The following KIF21A variants were observed in gnomAD, a reference collection of about 807,000 sequenced individuals.
The protein encoded by KIF21A is kinesin family member 21A, also known as kinesin-like protein KIF21A.
A neutral mutation model predicts 202.9 loss-of-function variants in KIF21A; 114 were observed. The observed-to-expected ratio is 0.56, with a 90% confidence interval of 0.48 to 0.66. KIF21A has a LOEUF of 0.66. Ranked by LOEUF, KIF21A falls within the 30% of genes least tolerant of loss-of-function variation. The probability of loss-of-function intolerance (pLI) is 0.00; values close to 1 mark genes in which losing one functional copy is unlikely to be tolerated. For synonymous variants in KIF21A, 667 were observed against 670.8 expected, an observed-to-expected ratio of 0.99 and a Z score of 0.09; for missense variants, 1,677 against 1,994.9, an observed-to-expected ratio of 0.84 and a Z score of 3.04.
intron 1 of KIF21A, among the ~76,000 whole-genome samples, chr12:39,432,453 A>G (rs1332029648): frequency 1.3e-5 from 2 of 152,176 alleles, no homozygotes; most frequent in Non-Finnish European, 2.9e-5. Flanking sequence ...GTTCCTATAA[A>G]AATGAAATTA....
intron 12 of KIF21A, among the ~76,000 whole-genome samples, chr12:39,343,741 G>A (rs1592248925): frequency 6.6e-6 from 1 of 152,150 alleles, no homozygotes; most frequent in African/African-American, 2.4e-5. Context: ...TTTAGTGTCT[G>A]TATTTCTCAC....
chr12:39,358,336 T>C lies in KIF21A; in HGVS notation c.1057A>G (p.Arg353Gly). 3 of 1,614,170 alleles carry C rather than the reference T, an allele frequency of 1.9e-6. No individual in the cohort carries two copies. Among genetic ancestry groups the C allele is most frequent in the Non-Finnish European group, 2.5e-6 (3 of 1,179,996 alleles). Residue 353 changes from arginine to glycine, a missense_variant, in exon 8 of 38, where the codon AGA (arginine) becomes GGA (glycine). Arg to Gly is a moderately radical substitution (Grantham distance 125). This residue lies in a region of KIF21A where 966 missense variants were observed against 1,180.9 expected (regional missense o/e 0.82). Coordinates refer to ENST00000361418, the MANE Select transcript of KIF21A (RefSeq NM_001173464.2). ...GTGTTTAACGTTTCCATAAAGTCTC[T>C]GTCTGAAGGGCTGACACATGCTATC... ...IMIACVSPSD[R>G]DFMETLNTLK...
At chr12:39,422,978 A>G (rs1954425789) in intron 1 of KIF21A, among the ~76,000 whole-genome samples, 2 of 152,226 alleles carry the variant, frequency 1.3e-5, no homozygotes, top group South Asian at 2.1e-4. Flanking sequence ...TAACTTCTCA[A>G]TTTCCTCATT....
chr12:39,415,511 C>G (rs1440516470), intron 1 of KIF21A, among the ~76,000 whole-genome samples: 1 of 152,106 alleles, frequency 6.6e-6, no homozygotes, highest in African/African-American at 2.4e-5. Context: ...GCAGCCTCGG[C>G]CTCCCAAAGT....
At chr12:39,372,936 C>G (rs1390260325) in intron 1 of KIF21A, among the ~76,000 whole-genome samples, 1 of 152,170 alleles carries the variant, frequency 6.6e-6, no homozygotes, top group Non-Finnish European at 1.5e-5. Flanking sequence ...CCTATCTAAT[C>G]TAAGAGCTAT....
intron 1 of KIF21A, among the ~76,000 whole-genome samples, chr12:39,424,125 T>A (rs933745089): frequency 6.6e-6 from 1 of 151,410 alleles, no homozygotes; most frequent in African/African-American, 2.4e-5. Context: ...ATTAACCTAC[T>A]GTAATCAAGC....
rs113460724 is a variant in KIF21A at position 39,313,065 on chromosome 12, G to A, written c.3960-1512C>T. 2.6e-3 allele frequency among the ~76,000 whole-genome samples: 400 copies of A among 152,032 alleles called. 3 individuals carry two copies. Among genetic ancestry groups the A allele is most frequent in the African/African-American group, 8.8e-3 (364 of 41,548 alleles). ...AAGAGGGCAGAAATGATTAAGAAAC[G>A]TGAGCCCCAGATAAGTTAGAGCTGA... is the stretch of plus-strand genomic sequence containing the variant. On this transcript the variant is annotated intron_variant, in intron 31 of 37. Transcript: ENST00000361418.
Position 39,294,201 on chromosome 12 carries a change from T to A in KIF21A, c.*223A>T. Reference sequence around the variant, plus strand: ...CAATAAAAGTGTGAATAAAGCAATATATCAATTGTAGGATATATATCTATT... The same window carrying A: ...CAATAAAAGTGTGAATAAAGCAATAAATCAATTGTAGGATATATATCTATT... On this transcript the variant is annotated 3_prime_UTR_variant, in exon 38 of 38. Coordinates refer to ENST00000361418, the MANE Select transcript of KIF21A (RefSeq NM_001173464.2). The A allele has an allele frequency of 2.2e-6, 1 of 462,970 alleles. No homozygotes were observed. The allele number at this position is 462,970 out of a possible 1,614,324, so 28.7% of individuals were successfully genotyped here. A position where few individuals can be genotyped will look rare whatever the true frequency, so the allele number is the denominator to read the frequency against.
chr12:39,361,522 C>CTTTTT (rs541860250), intron 7 of KIF21A, among the ~76,000 whole-genome samples: 3 of 131,732 alleles, frequency 2.3e-5, no homozygotes, highest in South Asian at 2.5e-4. Flanking sequence ...AACTTTCTTT[C>CTTTTT]TTTTTTTTTT....
At chr12:39,430,725 G>A (rs1430996417) in intron 1 of KIF21A, among the ~76,000 whole-genome samples, 4 of 152,070 alleles carry the variant, frequency 2.6e-5, no homozygotes, top group Non-Finnish European at 5.9e-5. Flanking sequence ...ATTTGAATGT[G>A]TCCCCAAATT....
At chr12:39,307,362 C>T (rs981297426) in intron 34 of KIF21A, among the ~76,000 whole-genome samples, 12 of 151,224 alleles carry the variant, frequency 7.9e-5, no homozygotes, top group East Asian at 1.9e-4. Flanking sequence ...TCCCCAGCAA[C>T]GGAGATTAAA....
chr12:39,294,236 TAAAAC>T lies in KIF21A; in HGVS notation c.*183_*187del, dbSNP rs1465468530. The T allele has an allele frequency of 9.3e-5, 52 of 559,572 alleles. No individual in the cohort carries two copies. The highest frequency in any genetic ancestry group is 1.5e-4 in the Non-Finnish European group (47 of 309,472). 34.7% of individuals were successfully genotyped at this position (559,572 alleles called of 1,614,324 possible). On this transcript the variant is annotated 3_prime_UTR_variant, in exon 38 of 38. Coordinates refer to ENST00000361418, the MANE Select transcript of KIF21A (RefSeq NM_001173464.2). ...AGGATATATATCTATTGGTTGATCTTAAAACTAAGCACACAGGATAGTACACAATT... is the reference window on the plus strand; with the variant it reads ...AGGATATATATCTATTGGTTGATCTTTAAGCACACAGGATAGTACACAATT...
intron 1 of KIF21A, among the ~76,000 whole-genome samples, chr12:39,373,856 G>T (rs1010787630): frequency 2.0e-5 from 3 of 152,136 alleles, no homozygotes; most frequent in Non-Finnish European, 4.4e-5. Context: ...TTGAAACATG[G>T]ATGATGCCCA....
chr12:39,351,879 G>T lies in KIF21A; in HGVS notation c.1571C>A (p.Ser524Tyr). 2.5e-6 allele frequency: 4 copies of T among 1,612,750 alleles called. No individual in the cohort carries two copies. The highest frequency in any genetic ancestry group is 3.4e-6 in the Non-Finnish European group (4 of 1,178,942). The part of the protein sequence containing the change: ...APYFSGSSTF[S>Y]PTILSSDKET... The stretch of plus-strand genomic sequence containing the variant: ...TTTGTCTGAGGATAGTATGGTAGGA[G>T]AAAAAGTTGATGATCCGCTGAAATA... Residue 524 changes from serine to tyrosine, a missense_variant, in exon 11 of 38, where the codon TCT becomes TAT. Coordinates refer to ENST00000361418, the MANE Select transcript of KIF21A (RefSeq NM_001173464.2).
chr12:39,414,673 G>A (rs1468872235), intron 1 of KIF21A, among the ~76,000 whole-genome samples: 1 of 152,196 alleles, frequency 6.6e-6, no homozygotes, highest in African/African-American at 2.4e-5. Flanking sequence ...GCAGCAGGCA[G>A]TGAAGTCTAA....
At chr12:39,332,018 A>C in intron 21 of KIF21A, 196 bp downstream of exon 21, 1 of 668,028 alleles carries the variant, frequency 1.5e-6, no homozygotes, top group East Asian at 2.7e-5. Context: ...TGTGTTATAT[A>C]AACAACAAAT....
intron 27 of KIF21A, chr12:39,322,374 ATT>A (rs1330537112): frequency 1.2e-5 from 3 of 248,998 alleles, no homozygotes; most frequent in Non-Finnish European, 2.3e-5. Flanking sequence ...TAATTTAGGT[ATT>A]TCTATATATG....
At chr12:39,308,887 C>T (rs1943734899) in intron 33 of KIF21A, among the ~76,000 whole-genome samples, 1 of 152,108 alleles carries the variant, frequency 6.6e-6, no homozygotes, top group South Asian at 2.1e-4. Context: ...TAAAAACAGT[C>T]TCTACTATCT....
intron 1 of KIF21A, among the ~76,000 whole-genome samples, chr12:39,433,343 A>C (rs977728793): frequency 6.6e-6 from 1 of 152,120 alleles, no homozygotes; most frequent in Non-Finnish European, 1.5e-5. Flanking sequence ...TTGCCCCAGT[A>C]GCTCCAGGTC....
Sources: gnomAD v4.1 joint callset for allele counts (sites outside exome capture counted in the v4.1 genomes callset) on GRCh38, gnomAD v4.1.1 for gene constraint, gnomAD v4.1.1 regional missense constraint, MANE v1.5 for transcripts, NCBI Gene and HGNC (gene_info 2026-07-23, HGNC 2026-07-21) for gene names.